The following P4HTM variants were observed in gnomAD, a reference collection of about 807,000 sequenced individuals.
P4HTM encodes prolyl 4-hydroxylase, transmembrane.
P4HTM carries 33 observed loss-of-function variants against 55.3 expected under a neutral mutation model. The ratio of observed to expected loss-of-function variants is 0.60; its 90% CI spans 0.45 to 0.80. The LOEUF is 0.80. P4HTM is among the 30% of genes least tolerant of loss of function. P4HTM has a pLI of 0.00. For synonymous variants in P4HTM, 272 were observed against 286.4 expected, an observed-to-expected ratio of 0.95 and a Z score of 0.51; for missense variants, 542 against 696.5, an observed-to-expected ratio of 0.78 and a Z score of 2.50.
chr3:48,998,638 G>C (rs2092953008), intron 2 of P4HTM, among the ~76,000 whole-genome samples: 1 of 152,198 alleles, frequency 6.6e-6, no homozygotes, highest in South Asian at 2.1e-4. Flanking sequence ...TGCAAGAGGT[G>C]GCCTGCACCT....
At chr3:48,995,105 A>G (rs575460765) in intron 2 of P4HTM, among the ~76,000 whole-genome samples, 125 of 152,070 alleles carry the variant, frequency 8.2e-4, no homozygotes, top group African/African-American at 2.8e-3. Context: ...CCAGCCGCTC[A>G]TCACTCTCTT....
intron 2 of P4HTM, among the ~76,000 whole-genome samples, chr3:48,994,583 C>T (rs2092940128): frequency 6.6e-6 from 1 of 152,154 alleles, no homozygotes; most frequent in South Asian, 2.1e-4. Context: ...GTCATTTTCC[C>T]TTGGTAGGGA....
Position 49,002,638 on chromosome 3 carries a change from CTGCCCACTCCCAGG to C in P4HTM, c.724+46_724+59del, listed in dbSNP as rs769310239. On this transcript the variant is annotated intron_variant, in intron 4 of 8. Coordinates refer to ENST00000383729, the MANE Select transcript of P4HTM (RefSeq NM_177939.3). The surrounding 1 kb of genome is among the most constrained non-coding windows in gnomAD (Gnocchi z 4.4). ...GCACAGTCCTATCCCCGTGAGCCTC[CTGCCCACTCCCAGG>C]TGCACAATTTTGAAAACTTGGGCCC... 2.3e-5 allele frequency: 33 copies of C among 1,455,744 alleles called. No homozygotes were observed. Among genetic ancestry groups the C allele is most frequent in the Non-Finnish European group, 3.1e-5 (32 of 1,035,234 alleles). 90.2% of individuals were successfully genotyped at this position (1,455,744 alleles called of 1,614,324 possible). A position where few individuals can be genotyped will look rare whatever the true frequency, so the allele number is the denominator to read the frequency against.
In P4HTM at chr3:48,990,591, C is replaced by T; in HGVS notation, c.335C>T (p.Thr112Ile). 1 of 1,598,322 alleles carries T rather than the reference C, an allele frequency of 6.3e-7. No homozygotes were observed. Among genetic ancestry groups the T allele is most frequent in the South Asian group, 1.1e-5 (1 of 89,310 alleles). Residue 112 changes from threonine (T) to isoleucine (I), a missense_variant, in exon 1 of 9, where the codon ACC becomes ATC. Physicochemically the swap from Thr to Ile is moderately conservative, Grantham distance 89. Around this residue, in one of 2 missense-constraint regions of P4HTM, gnomAD observed 536 missense variants for 672.1 expected, o/e 0.80. Coordinates refer to ENST00000383729, the MANE Select transcript of P4HTM (RefSeq NM_177939.3). This position sits in a 1 kb window ranked among gnomAD's most constrained non-coding sequence, Gnocchi z 7.2. Reference sequence around the variant, plus strand: ...CCCGAGCCCACCTTAGGTCCCCTCACCCGGCTGGAGGGCATCAAGGTGAGG... The same window carrying T: ...CCCGAGCCCACCTTAGGTCCCCTCATCCGGCTGGAGGGCATCAAGGTGAGG... ...PGPEPTLGPL[T>I]RLEGIKVGHE...
rs753996691 is a variant in P4HTM at position 48,990,355 on chromosome 3, G to A, written c.99G>A (p.Gln33=). ...CGCCGCCAGACCACTGCCAGGCTCA[G>A]GCGGCGGCCGGGCTGGGCGACGGCG... The part of the protein sequence containing the change: ...QWAPPDHCQA[Q]AAAGLGDGED... The change falls in exon 1 of 9, where the codon CAG becomes CAA. Residue 33 remains glutamine, a synonymous_variant. Coordinates refer to ENST00000383729, the MANE Select transcript of P4HTM (RefSeq NM_177939.3). This position sits in a 1 kb window ranked among gnomAD's most constrained non-coding sequence, Gnocchi z 7.2. 1.3e-4 allele frequency: 210 copies of A among 1,559,390 alleles called. No individual in the cohort carries two copies. The highest frequency in any genetic ancestry group is 1.7e-4 in the Non-Finnish European group (203 of 1,160,880).
intron 2 of P4HTM, among the ~76,000 whole-genome samples, chr3:49,000,024 AG>A (rs1328970284): frequency 6.6e-6 from 1 of 152,140 alleles, no homozygotes; most frequent in East Asian, 1.9e-4. Context: ...TGCTCCTAGT[AG>A]CTGAATCTGG....
At chr3:48,994,862 C>T (rs2092940974) in intron 2 of P4HTM, among the ~76,000 whole-genome samples, 3 of 151,986 alleles carry the variant, frequency 2.0e-5, no homozygotes, top group Admixed American at 6.6e-5. Context: ...TGCAATGGTA[C>T]CATCTCGGCT....
chr3:48,995,787 T>C (rs1243963057), intron 2 of P4HTM, among the ~76,000 whole-genome samples: 2 of 152,182 alleles, frequency 1.3e-5, no homozygotes, highest in South Asian at 2.1e-4. Context: ...CGTTTCACCA[T>C]GTTGGCCAGG....
intron 5 of P4HTM, chr3:49,004,575 A>C: frequency 1.8e-6 from 1 of 555,508 alleles, no homozygotes; most frequent in South Asian, 2.4e-5. Context: ...TAAATAAACA[A>C]CTTTCTTCCA....
Position 49,005,768 on chromosome 3 carries a change from G to A in P4HTM, c.1074-9G>A. On this transcript the variant is annotated splice_polypyrimidine_tract_variant and intron_variant, in intron 6 of 8. Transcript: ENST00000383729. ...TGGGGACCTGCTCAGTGCCCCCCCT[G>A]CCTTACAGCTACATGACAGTGCTGT... The A allele has an allele frequency of 6.3e-7, 1 of 1,597,008 alleles. No homozygotes were observed. Among genetic ancestry groups the A allele is most frequent in the Non-Finnish European group, 8.5e-7 (1 of 1,172,156 alleles).
At chr3:49,005,170 G>C in intron 6 of P4HTM, 124 bp downstream of exon 6, 1 of 1,601,526 alleles carries the variant, frequency 6.2e-7, no homozygotes, top group Non-Finnish European at 8.5e-7. Context: ...GGGTTATCCC[G>C]GTTAGTGATG....
Position 49,002,062 on chromosome 3 carries a change from C to T in P4HTM, c.627+434C>T, listed in dbSNP as rs2092962725. Among the ~76,000 whole-genome samples, 1 of 152,224 alleles carries T rather than the reference C, an allele frequency of 6.6e-6. No homozygotes were observed. Among genetic ancestry groups the T allele is most frequent in the Non-Finnish European group, 1.5e-5 (1 of 68,024 alleles). Reference sequence around the variant, plus strand: ...AGTCTGGCAGGGTGGTGGTGCGGGGCACTGCCCACACAGAACACCCCACTG... The same window carrying T: ...AGTCTGGCAGGGTGGTGGTGCGGGGTACTGCCCACACAGAACACCCCACTG... On this transcript the variant is annotated intron_variant, in intron 3 of 8. Coordinates refer to ENST00000383729, the MANE Select transcript of P4HTM (RefSeq NM_177939.3). The surrounding 1 kb of genome is among the most constrained non-coding windows in gnomAD (Gnocchi z 4.4).
At chr3:48,992,697 C>T (rs775332211) in intron 2 of P4HTM, among the ~76,000 whole-genome samples, 32 of 115,666 alleles carry the variant, frequency 2.8e-4, no homozygotes, top group Non-Finnish European at 4.4e-4. Context: ...CTAAGTTTCT[C>T]TCTTGTTGTC....
In P4HTM at chr3:49,001,101, G is replaced by A. The variant is rs181891821; in HGVS notation, c.437-337G>A. 1.0e-5 allele frequency: 4 copies of A among 384,402 alleles called. No homozygotes were observed. In the Admixed American group the frequency reaches 1.1e-4, roughly 11 times the overall value. 23.8% of individuals were successfully genotyped at this position (384,402 alleles called of 1,614,324 possible). Reference sequence around the variant, plus strand: ...ATACCCAGTAAAAAGTAGCAATCAAGCCTCTGCCCTTCAGGATCACTCTCT... The same window carrying A: ...ATACCCAGTAAAAAGTAGCAATCAAACCTCTGCCCTTCAGGATCACTCTCT... On this transcript the variant is annotated intron_variant, in intron 2 of 8. Coordinates refer to ENST00000383729, the MANE Select transcript of P4HTM (RefSeq NM_177939.3).
intron 6 of P4HTM, chr3:49,005,254 G>C: frequency 6.7e-7 from 1 of 1,501,566 alleles, no homozygotes; most frequent in South Asian, 1.3e-5. Context: ...GACCACTGGA[G>C]TCAACACAGA....
Position 48,999,653 on chromosome 3 carries a change from A to C in P4HTM, c.437-1785A>C, listed in dbSNP as rs1439058782. On this transcript the variant is annotated intron_variant, in intron 2 of 8. Coordinates refer to ENST00000383729, the MANE Select transcript of P4HTM (RefSeq NM_177939.3). This position sits in a 1 kb window ranked among gnomAD's most constrained non-coding sequence, Gnocchi z 4.8. ...GCACAGCTCCGAGGTGCCCGGACCC[A>C]CCTGGTGAGGCCCCAACATGCTGAC... 6.1e-6 allele frequency: 1 copy of C among 164,884 alleles called. No homozygotes were observed. The highest frequency in any genetic ancestry group is 1.9e-4 in the East Asian group (1 of 5,208). The allele number at this position is 164,884 out of a possible 1,614,324, so 10.2% of individuals were successfully genotyped here. A position where few individuals can be genotyped will look rare whatever the true frequency, so the allele number is the denominator to read the frequency against.
chr3:49,001,659 G>C, intron 3 of P4HTM, 31 bp downstream of exon 3: 1 of 1,580,222 alleles, frequency 6.3e-7, no homozygotes, highest in South Asian at 1.1e-5. Flanking sequence ...GTAGGCTCAG[G>C]GTGGGAGTGC....
At chr3:48,996,233 A>C (rs2092945152) in intron 2 of P4HTM, 1 of 152,210 alleles carries the variant, frequency 6.6e-6, no homozygotes, top group South Asian at 2.1e-4. Flanking sequence ...AAAAGTAGAG[A>C]AACAATTTTA....
At chr3:49,001,931 C>T (rs1257939575) in intron 3 of P4HTM, among the ~76,000 whole-genome samples, 1 of 152,262 alleles carries the variant, frequency 6.6e-6, no homozygotes, top group East Asian at 1.9e-4. Flanking sequence ...CCACAGAACT[C>T]ATGGTGGATG....
Sources: allele counts gnomAD v4.1 joint callset (sites outside exome capture counted in the v4.1 genomes callset), GRCh38; gene constraint gnomAD v4.1.1; regional missense constraint gnomAD v4.1.1; non-coding constraint Gnocchi (gnomAD v3.1); transcripts MANE v1.5; gene names NCBI Gene and HGNC (gene_info 2026-07-23, HGNC 2026-07-21).